The following RNF144A variants were observed in gnomAD, a reference collection of about 807,000 sequenced individuals.
RNF144A encodes ring finger protein 144A.
RNF144A carries 11 observed loss-of-function variants against 38.7 expected under a neutral mutation model. The ratio of observed to expected loss-of-function variants is 0.28; its 90% CI spans 0.18 to 0.47. The LOEUF is 0.47. Ranked by LOEUF, RNF144A falls within the 20% of genes least tolerant of loss-of-function variation. The probability of loss-of-function intolerance (pLI) is 0.99; values close to 1 mark genes in which losing one functional copy is unlikely to be tolerated. For synonymous variants in RNF144A, 149 were observed against 143.9 expected (o/e 1.04, Z -0.25); for missense variants, 316 against 377.2 (o/e 0.84, Z 1.34).
chr2:6,964,980 TAAAAA>T lies in RNF144A; in HGVS notation c.-12+23837_-12+23841del, dbSNP rs538947212. Among the ~76,000 whole-genome samples, 591 of 151,520 alleles carry T rather than the reference TAAAAA, an allele frequency of 3.9e-3. 4 individuals carry two copies. The highest frequency in any genetic ancestry group is 0.014 in the African/African-American group (562 of 41,310). On this transcript the variant is annotated intron_variant, in intron 2 of 8. Coordinates refer to ENST00000320892, the MANE Select transcript of RNF144A (RefSeq NM_014746.6). Reference sequence around the variant, plus strand: ...ACTTAAAGTATAATAATAATAAAAATAAAAAAAAGAGGGAGCATGGGTTTGCACTC... The same window carrying T: ...ACTTAAAGTATAATAATAATAAAAATAAAGAGGGAGCATGGGTTTGCACTC...
chr2:7,069,624 C>T (rs535930893), downstream of RNF144A, among the ~76,000 whole-genome samples: 1 of 152,320 alleles, frequency 6.6e-6, no homozygotes, highest in South Asian at 2.1e-4. Flanking sequence ...TAAAATACAA[C>T]ACTTTTTAAT....
chr2:6,930,093 A>G (rs1388916973), intron 1 of RNF144A, among the ~76,000 whole-genome samples: 1 of 152,240 alleles, frequency 6.6e-6, no homozygotes. Flanking sequence ...GATGATACTA[A>G]ATGTGGAGAA....
At chr2:6,963,990 A>G (rs954528210) in intron 2 of RNF144A, among the ~76,000 whole-genome samples, 3 of 152,146 alleles carry the variant, frequency 2.0e-5, no homozygotes, top group African/African-American at 7.2e-5. Flanking sequence ...GCAAAGCTGT[A>G]AAGGAAGTAA....
rs1673205920 is a variant in RNF144A at position 7,044,103 on chromosome 2, T to TTAGCAGGG, written c.*4343_*4344insTAGCAGGG. 1.0e-6 allele frequency: 1 copy of TTAGCAGGG among 985,656 alleles called. No individual in the cohort carries two copies. The highest frequency in any genetic ancestry group is 1.2e-6 in the Non-Finnish European group (1 of 829,846). 61.1% of individuals were successfully genotyped at this position (985,656 alleles called of 1,614,324 possible). A position where few individuals can be genotyped will look rare whatever the true frequency, so the allele number is the denominator to read the frequency against. ...TACATATTTTAAATGTATTGTGTCTTACGTAGTTTGTCCCCCCCTTTAGCA... is the reference window on the plus strand; with the variant it reads ...TACATATTTTAAATGTATTGTGTCTTTAGCAGGGACGTAGTTTGTCCCCCCCTTTAGCA... On this transcript the variant is annotated 3_prime_UTR_variant, in exon 9 of 9. Coordinates refer to ENST00000320892, the MANE Select transcript of RNF144A (RefSeq NM_014746.6).
At chr2:6,990,409 CACACACACACACACACACACACACACAG>C (rs1186564979) in intron 2 of RNF144A, among the ~76,000 whole-genome samples, 4 of 138,788 alleles carry the variant, frequency 2.9e-5, no homozygotes, top group African/African-American at 8.3e-5. Flanking sequence ...CACACACACA[CACACACACACACACACACACACACACAG>C]AGCTATATAT....
intron 5 of RNF144A, among the ~76,000 whole-genome samples, chr2:7,018,501 G>A (rs1339540463): frequency 1.3e-5 from 2 of 152,174 alleles, no homozygotes; most frequent in African/African-American, 2.4e-5. Flanking sequence ...ACTGCTCAGC[G>A]TGGCGCTCAG....
At chr2:6,951,892 T>G (rs959192930) in intron 2 of RNF144A, among the ~76,000 whole-genome samples, 1 of 152,188 alleles carries the variant, frequency 6.6e-6, no homozygotes, top group African/African-American at 2.4e-5. Flanking sequence ...ATTCTTATAG[T>G]TTCTCTTTCT....
intron 6 of RNF144A, among the ~76,000 whole-genome samples, chr2:7,057,995 G>A (rs1673804131): frequency 6.6e-6 from 1 of 152,176 alleles, no homozygotes; most frequent in Non-Finnish European, 1.5e-5. Flanking sequence ...AGAAGTTAAT[G>A]AATATAGCAC....
intron 1 of RNF144A, among the ~76,000 whole-genome samples, chr2:6,924,624 G>A (rs1664748781): frequency 6.6e-6 from 1 of 152,204 alleles, no homozygotes; most frequent in African/African-American, 2.4e-5. Flanking sequence ...AGCAGAGGAG[G>A]GGCCTCCATC....
intron 2 of RNF144A, among the ~76,000 whole-genome samples, chr2:6,993,039 T>A (rs1353884878): frequency 6.6e-6 from 1 of 152,258 alleles, no homozygotes; most frequent in Non-Finnish European, 1.5e-5. Context: ...CTTAGCATAA[T>A]CTGATTGCAA....
chr2:6,998,092 A>G (rs1669874266), intron 3 of RNF144A, among the ~76,000 whole-genome samples: 2 of 152,252 alleles, frequency 1.3e-5, no homozygotes, highest in Admixed American at 6.5e-5. Context: ...TTTATCAATT[A>G]TAACTGAAAA....
intron 2 of RNF144A, among the ~76,000 whole-genome samples, chr2:6,960,372 G>A (rs186353326): frequency 1.3e-5 from 2 of 152,164 alleles, no homozygotes; most frequent in Non-Finnish European, 2.9e-5. Context: ...GGTGGCTTCT[G>A]ACATTTGAAA....
chr2:6,935,765 G>A (rs974606485), intron 1 of RNF144A, among the ~76,000 whole-genome samples: 1 of 152,144 alleles, frequency 6.6e-6, no homozygotes, highest in Non-Finnish European at 1.5e-5. Context: ...ATGTAGATGG[G>A]ATGGCCTCTC....
At chr2:7,066,174 G>A (rs1303180371) in intron 6 of RNF144A, among the ~76,000 whole-genome samples, 7 of 151,544 alleles carry the variant, frequency 4.6e-5, no homozygotes, top group African/African-American at 1.7e-4. Flanking sequence ...TACAAGCTCC[G>A]CCTCCTGGGT....
intron 2 of RNF144A, among the ~76,000 whole-genome samples, chr2:6,988,753 C>T (rs1233351352): frequency 6.6e-6 from 1 of 152,050 alleles, no homozygotes; most frequent in Non-Finnish European, 1.5e-5. Context: ...TCTCTACAGC[C>T]CACTTCAGAA....
At chr2:7,045,006 G>A (rs542788323), downstream of RNF144A, among the ~76,000 whole-genome samples, 3 of 152,372 alleles carry the variant, frequency 2.0e-5, no homozygotes, top group African/African-American at 7.2e-5. Context: ...AGCAGGCTTT[G>A]CGGGCACAGC....
chr2:6,998,229 G>A (rs1050174930), intron 3 of RNF144A, among the ~76,000 whole-genome samples: 9 of 151,342 alleles, frequency 5.9e-5, no homozygotes, highest in East Asian at 1.9e-4. Context: ...TGGTGTAGAC[G>A]GCTTCCCTGT....
At chr2:6,970,920 T>G (rs1667965268) in intron 2 of RNF144A, among the ~76,000 whole-genome samples, 1 of 152,222 alleles carries the variant, frequency 6.6e-6, no homozygotes, top group Non-Finnish European at 1.5e-5. Context: ...TGCATAAAAT[T>G]TAGTGCACAA....
In RNF144A at chr2:7,040,916, G is replaced by A. The variant is rs2103463600; in HGVS notation, c.*1156G>A. 1 of 985,410 alleles carries A rather than the reference G, an allele frequency of 1.0e-6. No individual in the cohort carries two copies. Among genetic ancestry groups the A allele is most frequent in the East Asian group, 1.1e-4 (1 of 8,814 alleles). 61.0% of individuals were successfully genotyped at this position (985,410 alleles called of 1,614,324 possible). ...CCCATTTCACTTCGTTTTAACGTGG[G>A]GATTTTACCACTTGATCTTTTACAG... On this transcript the variant is annotated 3_prime_UTR_variant, in exon 9 of 9. Coordinates refer to ENST00000320892, the MANE Select transcript of RNF144A (RefSeq NM_014746.6).
Sources: gnomAD v4.1 joint callset for allele counts (sites outside exome capture counted in the v4.1 genomes callset) on GRCh38, gnomAD v4.1.1 for gene constraint, MANE v1.5 for transcripts, NCBI Gene and HGNC (gene_info 2026-07-23, HGNC 2026-07-21) for gene names.